The following ZNF813 variants were observed in gnomAD, a reference collection of about 807,000 sequenced individuals.
ZNF813 encodes zinc finger protein 813.
ZNF813 carries 3 observed loss-of-function variants against 7.2 expected under a neutral mutation model. The ratio of observed to expected loss-of-function variants is 0.42; its 90% CI spans 0.19 to 1.08. The LOEUF (loss-of-function observed/expected upper bound fraction) is 1.08. Among genes scored for constraint, ZNF813 ranks in the 50% least tolerant of loss-of-function variants. The pLI, the probability that ZNF813 is intolerant of heterozygous loss-of-function variation, is 0.30. For missense variants in ZNF813, 714 were observed against 753.3 expected (o/e 0.95, Z 0.61); for synonymous variants, 227 against 256.3 (o/e 0.89, Z 1.09).
chr19:53,487,152 GT>G (rs2086438542), intron 3 of ZNF813, among the ~76,000 whole-genome samples: 3 of 151,972 alleles, frequency 2.0e-5, no homozygotes, highest in Non-Finnish European at 2.9e-5. Context: ...GCATATGTAT[GT>G]CCTTAAGGCC....
intron 3 of ZNF813, among the ~76,000 whole-genome samples, chr19:53,488,458 G>C (rs2086444153): frequency 6.6e-6 from 1 of 151,128 alleles, no homozygotes; most frequent in African/African-American, 2.4e-5. Context: ...GTCCAGGCTG[G>C]AGTGCAGTGG....
intron 1 of ZNF813, among the ~76,000 whole-genome samples, chr19:53,477,050 A>G (rs1280770285): frequency 3.3e-5 from 5 of 152,190 alleles, no homozygotes; most frequent in Admixed American, 6.5e-5. Flanking sequence ...TAGGCTGACT[A>G]ACTGGTGCCA....
intron 2 of ZNF813, among the ~76,000 whole-genome samples, chr19:53,485,587 T>TGTATGCCATGATATATAC (rs571848662): frequency 1.4e-5 from 2 of 139,698 alleles, no homozygotes; most frequent in Non-Finnish European, 3.2e-5. Context: ...TGTCATGACA[T>TGTATGCCATGATATATAC]ATGTATGTCA....
intron 1 of ZNF813, among the ~76,000 whole-genome samples, chr19:53,471,244 T>C (rs2086357586): frequency 6.6e-6 from 1 of 152,170 alleles, no homozygotes; most frequent in South Asian, 2.1e-4. Context: ...CAACTGTCGG[T>C]AGGCCCTTGG....
Position 53,473,074 on chromosome 19 carries a change from G to A in ZNF813, c.-74+5285G>A, listed in dbSNP as rs551940261. On this transcript the variant is annotated intron_variant, in intron 1 of 3. Coordinates refer to ENST00000396403, the MANE Select transcript of ZNF813 (RefSeq NM_001004301.4). ...ACCATGGTTAAGGAGGGTAGCAACA[G>A]CAAAACAGTGTACAGCATGTTCATA... 1.6e-3 allele frequency among the ~76,000 whole-genome samples: 251 copies of A among 152,330 alleles called. 1 individual carries two copies. The highest frequency in any genetic ancestry group is 4.7e-3 in the African/African-American group (194 of 41,568).
intron 2 of ZNF813, among the ~76,000 whole-genome samples, chr19:53,484,425 T>C (rs565284271): frequency 6.6e-6 from 1 of 152,286 alleles, no homozygotes; most frequent in African/African-American, 2.4e-5. Flanking sequence ...TCAACCTGAA[T>C]CATAGCAGGA....
In ZNF813 at chr19:53,491,941, A is replaced by G. The variant is rs1257158754; in HGVS notation, c.1709A>G (p.His570Arg). Residue 570 changes from histidine (H) to arginine (R), a missense_variant, in exon 4 of 4, where the codon CAT becomes CGT. Physicochemically the swap from His to Arg is conservative, Grantham distance 29 (BLOSUM62 0). Around this residue, in one of 3 missense-constraint regions of ZNF813, gnomAD observed 122 missense variants for 146.8 expected, o/e 0.83. Transcript: ENST00000396403. ...FNQKAHLARHHRLHTGEKPYK... is the reference protein window; with the variant it reads ...FNQKAHLARHRRLHTGEKPYK... ...CAAAAAGCACACCTTGCACGTCACC[A>G]TAGACTTCATACTGGAGAGAAACCT... The G allele has an allele frequency of 6.2e-7, 1 of 1,611,354 alleles. No homozygotes were observed.
chr19:53,487,981 T>TA (rs2086442043), intron 3 of ZNF813, among the ~76,000 whole-genome samples: 2 of 152,208 alleles, frequency 1.3e-5, no homozygotes, highest in African/African-American at 4.8e-5. Flanking sequence ...AAGGTACACT[T>TA]ACAACAGTTT....
chr19:53,495,373 G>A lies in ZNF813; in HGVS notation c.*3287G>A, dbSNP rs1056208601. 4.6e-5 allele frequency: 7 copies of A among 151,738 alleles called. No homozygotes were observed. The highest frequency in any genetic ancestry group is 8.8e-5 in the Non-Finnish European group (6 of 68,014). The allele number at this position is 151,738 out of a possible 1,614,324, so 9.4% of individuals were successfully genotyped here. On this transcript the variant is annotated 3_prime_UTR_variant, in exon 4 of 4. Coordinates refer to ENST00000396403, the MANE Select transcript of ZNF813 (RefSeq NM_001004301.4). ...CCTTAGTAGCTGGGACTACAGGCGC[G>A]TGCCACCACATCAGCTAATTTTTGT...
rs759014365 is a variant in ZNF813, at chr19:53,490,958, A to G, written c.726A>G (p.Gln242=). 1 of 1,614,064 alleles carries G rather than the reference A, an allele frequency of 6.2e-7. No homozygotes were observed. Among genetic ancestry groups the G allele is most frequent in the Non-Finnish European group, 8.5e-7 (1 of 1,180,024 alleles). ...KHQIIHLGEK[Q]YKCDVCGKVF... ...AAATAATCCATTTAGGAGAGAAACAATATAAATGTGATGTATGTGGCAAGG... is the reference window on the plus strand; with the variant it reads ...AAATAATCCATTTAGGAGAGAAACAGTATAAATGTGATGTATGTGGCAAGG... Residue 242 remains glutamine (Q), a synonymous_variant, in exon 4 of 4, where the codon CAA becomes CAG. Coordinates refer to ENST00000396403, the MANE Select transcript of ZNF813 (RefSeq NM_001004301.4).
In ZNF813 at chr19:53,492,348, G is replaced by C. The variant is rs772824561; in HGVS notation, c.*262G>C. On this transcript the variant is annotated 3_prime_UTR_variant, in exon 4 of 4. Coordinates refer to ENST00000396403, the MANE Select transcript of ZNF813 (RefSeq NM_001004301.4). ...TGGCAAATCGAGCCTCAAAAGACAG[G>C]AGAATTCATACTGGAGAGAAAGCTT... is the stretch of plus-strand genomic sequence containing the variant. 9.2e-5 allele frequency: 54 copies of C among 586,138 alleles called. No individual in the cohort carries two copies. Among genetic ancestry groups the C allele is most frequent in the Non-Finnish European group, 1.5e-4 (51 of 330,020 alleles). 36.3% of individuals were successfully genotyped at this position (586,138 alleles called of 1,614,324 possible).
chr19:53,471,943 C>G (rs12459819), intron 1 of ZNF813, among the ~76,000 whole-genome samples: 43,278 of 151,724 alleles, frequency 0.29, 6,243 homozygotes, highest in East Asian at 0.44. Flanking sequence ...ACAAACATAA[C>G]ATGAGAAAAT....
chr19:53,476,983 T>A (rs1004501323), intron 1 of ZNF813, among the ~76,000 whole-genome samples: 5 of 152,182 alleles, frequency 3.3e-5, no homozygotes, highest in Non-Finnish European at 1.5e-5. Context: ...TTTAAACCTT[T>A]GTGGGAGTCT....
At chr19:53,469,897 G>T (rs535617099) in intron 1 of ZNF813, among the ~76,000 whole-genome samples, 1 of 151,794 alleles carries the variant, frequency 6.6e-6, no homozygotes, top group Admixed American at 6.6e-5. Context: ...GACTGCTATG[G>T]GGGAGACAGA....
intron 1 of ZNF813, among the ~76,000 whole-genome samples, chr19:53,478,427 CT>C (rs2086391944): frequency 6.6e-6 from 1 of 152,092 alleles, no homozygotes. Flanking sequence ...CTGCCTTGGC[CT>C]TCCGAAATAC....
In ZNF813 at chr19:53,491,063, C is replaced by A. The variant is rs1478343475; in HGVS notation, c.831C>A (p.Gly277=). The A allele has an allele frequency of 2.5e-6, 4 of 1,614,150 alleles. No homozygotes were observed. In the African/African-American group the frequency reaches 4.0e-5, roughly 16 times the overall value. The change falls in exon 4 of 4, where the codon GGC becomes GGA. Residue 277 remains glycine (G), a synonymous_variant. Coordinates refer to ENST00000396403, the MANE Select transcript of ZNF813 (RefSeq NM_001004301.4). ...AACCTTACAGGTGTAATGAGTGTGG[C>A]AAGACTTTCAGTCAGACGTATTCCC... ...GEKPYRCNEC[G]KTFSQTYSLT... is the part of the protein sequence containing the mutation.
At chr19:53,469,490 C>T (rs953039896) in intron 1 of ZNF813, among the ~76,000 whole-genome samples, 10 of 152,014 alleles carry the variant, frequency 6.6e-5, no homozygotes, top group African/African-American at 1.9e-4. Flanking sequence ...ATGAGAAAGA[C>T]TCATAACAGA....
At chr19:53,488,152 G>A (rs1212459005) in intron 3 of ZNF813, 1 of 418,684 alleles carries the variant, frequency 2.4e-6, no homozygotes, top group Non-Finnish European at 4.8e-6. Context: ...AATTTCCCGA[G>A]TAGCTGGGAT....
chr19:53,495,892 C>T lies in ZNF813; in HGVS notation c.*3806C>T, dbSNP rs1467097424. The stretch of plus-strand genomic sequence containing the variant: ...TGACTCCCCTTCTCGCCAGATCTCA[C>T]AGGACTTTCAGATTTAAGCAATACC... On this transcript the variant is annotated 3_prime_UTR_variant, in exon 4 of 4. Coordinates refer to ENST00000396403, the MANE Select transcript of ZNF813 (RefSeq NM_001004301.4). 3 of 266,320 alleles carry T rather than the reference C, an allele frequency of 1.1e-5. No individual in the cohort carries two copies. The highest frequency in any genetic ancestry group is 4.7e-5 in the South Asian group (1 of 21,376). 16.5% of individuals were successfully genotyped at this position (266,320 alleles called of 1,614,324 possible). A position where few individuals can be genotyped will look rare whatever the true frequency, so the allele number is the denominator to read the frequency against.
Sources: allele counts gnomAD v4.1 joint callset (sites outside exome capture counted in the v4.1 genomes callset), GRCh38; gene constraint gnomAD v4.1.1; regional missense constraint gnomAD v4.1.1; transcripts MANE v1.5; gene names NCBI Gene and HGNC (gene_info 2026-07-23, HGNC 2026-07-21).